Variants in MSTO1 observed in about 807,000 individuals in gnomAD.
The protein encoded by MSTO1 is misato mitochondrial distribution and morphology regulator 1.
Under a neutral mutation model 55.7 loss-of-function variants are expected in MSTO1, and 24 were observed. The observed-to-expected ratio is 0.43, with a 90% CI of 0.31 to 0.61. MSTO1 has a LOEUF of 0.61. MSTO1 is among the 20% of genes least tolerant of loss of function. The probability of loss-of-function intolerance (pLI) is 0.09; values close to 1 mark genes in which losing one functional copy is unlikely to be tolerated. For missense variants in MSTO1, 363 were observed against 625.7 expected (o/e 0.58, Z 4.48); for synonymous variants, 162 against 252.8 (o/e 0.64, Z 3.41).
At chr1:155,597,252 T>C in the MSTO1 span, among the ~76,000 whole-genome samples, 1 of 152,214 alleles carries the variant, frequency 6.6e-6, no homozygotes, top group Non-Finnish European at 1.5e-5. Flanking sequence ...GCGGATCACC[T>C]GAGGTCAGGA....
the MSTO1 span, among the ~76,000 whole-genome samples, chr1:155,565,499 T>C: frequency 6.6e-6 from 1 of 152,044 alleles, no homozygotes; most frequent in South Asian, 2.1e-4. Context: ...CCCAGAGAAG[T>C]CCAGTAACAA....
chr1:155,597,323 A>G, the MSTO1 span, among the ~76,000 whole-genome samples: 1 of 151,360 alleles, frequency 6.6e-6, no homozygotes, highest in African/African-American at 2.4e-5. Context: ...ACAAAAAATT[A>G]GTAGGGCATA....
chr1:155,605,691 C>T (rs1239128030), upstream of MSTO1, among the ~76,000 whole-genome samples: 7 of 152,082 alleles, frequency 4.6e-5, no homozygotes, highest in Non-Finnish European at 7.4e-5. Flanking sequence ...GTGTGAGGAT[C>T]GATTGAATTA....
the MSTO1 span, chr1:155,590,990 G>C: frequency 6.2e-7 from 1 of 1,613,978 alleles, no homozygotes; most frequent in Non-Finnish European, 8.5e-7. Flanking sequence ...AAGCCGAACA[G>C]GGCCACAAGG....
At chr1:155,599,795 G>A in the MSTO1 span, among the ~76,000 whole-genome samples, 3 of 152,296 alleles carry the variant, frequency 2.0e-5, no homozygotes, top group Non-Finnish European at 4.4e-5. Context: ...AGACAAACAC[G>A]TGAACAAAGG....
intron 4 of MSTO1, 93 bp downstream of exon 4, chr1:155,611,384 G>A (rs1256911967): frequency 6.2e-7 from 1 of 1,610,878 alleles, no homozygotes; most frequent in African/African-American, 1.3e-5. Flanking sequence ...CATTTTAAGT[G>A]TCTTAGAATG....
At chr1:155,586,204 C>CT in the MSTO1 span, among the ~76,000 whole-genome samples, 33,562 of 127,036 alleles carry the variant, frequency 0.26, 4,954 homozygotes, top group East Asian at 0.69. Context: ...CTCTCTCTGT[C>CT]TTTTTTTTTT....
the MSTO1 span, among the ~76,000 whole-genome samples, chr1:155,585,305 C>T: frequency 2.0e-5 from 3 of 152,110 alleles, no homozygotes; most frequent in South Asian, 2.1e-4. Flanking sequence ...GGGCGGATCA[C>T]GAGGTCAGGA....
the MSTO1 span, among the ~76,000 whole-genome samples, chr1:155,572,972 T>C: frequency 1.3e-5 from 2 of 152,074 alleles, no homozygotes; most frequent in African/African-American, 4.8e-5. Flanking sequence ...CTTAGAATGG[T>C]AGATCAAATT....
chr1:155,587,378 T>A, the MSTO1 span, among the ~76,000 whole-genome samples: 4 of 140,024 alleles, frequency 2.9e-5, no homozygotes, highest in Non-Finnish European at 6.0e-5. Context: ...AGGTGGAGGT[T>A]GCGGTGAGCC....
the MSTO1 span, among the ~76,000 whole-genome samples, chr1:155,595,066 A>T: frequency 6.7e-6 from 1 of 148,172 alleles, no homozygotes; most frequent in Admixed American, 6.8e-5. Context: ...TGAACCCAGG[A>T]GGCAGAGGGT....
the MSTO1 span, among the ~76,000 whole-genome samples, chr1:155,577,388 G>GC: frequency 6.6e-6 from 1 of 151,918 alleles, no homozygotes. Flanking sequence ...ACGCCCGGCC[G>GC]CCCCCTCCAA....
Position 155,614,436 on chromosome 1 carries a change from A to G in MSTO1, c.*163A>G, listed in dbSNP as rs1675185831. The G allele has an allele frequency of 3.4e-6, 2 of 595,942 alleles. No homozygotes were observed. The highest frequency in any genetic ancestry group is 6.0e-6 in the Non-Finnish European group (2 of 333,070). 36.9% of individuals were successfully genotyped at this position (595,942 alleles called of 1,614,324 possible). A position where few individuals can be genotyped will look rare whatever the true frequency, so the allele number is the denominator to read the frequency against. ...GTGATTAGACCACAGAACAATAAAT[A>G]TGTGCCATCAGACCAAAAAAAAGTA... On this transcript the variant is annotated 3_prime_UTR_variant, in exon 14 of 14. Transcript: ENST00000245564.
In MSTO1 at chr1:155,613,085, G is replaced by C; in HGVS notation, c.1135G>C (p.Ala379Pro). 1 of 1,613,696 alleles carries C rather than the reference G, an allele frequency of 6.2e-7. No homozygotes were observed. Among genetic ancestry groups the C allele is most frequent in the African/African-American group, 1.3e-5 (1 of 75,008 alleles). Residue 379 changes from alanine to proline, a missense_variant, in exon 11 of 14, where the codon GCT becomes CCT. By Grantham distance (27) the Ala-to-Pro change is conservative. Around this residue, in one of 3 missense-constraint regions of MSTO1, gnomAD observed 231 missense variants for 286.9 expected, o/e 0.81. Coordinates refer to ENST00000245564, the MANE Select transcript of MSTO1 (RefSeq NM_018116.4). ...TAGAIIPFPLAPGQSLPDSLM... is the reference protein window; with the variant it reads ...TAGAIIPFPLPPGQSLPDSLM... ...AGGAGCAATCATCCCTTTCCCCTTG[G>C]CTCCAGGCCAGTCCCTTCCTGATTC...
chr1:155,564,948 C>T, the MSTO1 span, among the ~76,000 whole-genome samples: 1 of 151,990 alleles, frequency 6.6e-6, no homozygotes, highest in Admixed American at 6.6e-5. Context: ...AGTGAAACCC[C>T]GTCTCTACTA....
At chr1:155,563,272 C>G in the MSTO1 span, 1 of 456,296 alleles carries the variant, frequency 2.2e-6, no homozygotes, top group African/African-American at 2.0e-5. Flanking sequence ...TGCTGTGGAG[C>G]TGGTCGCAGG....
the MSTO1 span, chr1:155,598,955 GT>G: frequency 8.6e-7 from 1 of 1,167,462 alleles, no homozygotes; most frequent in South Asian, 1.3e-5. Flanking sequence ...GTTAGGTTCA[GT>G]TATCTTGTTA....
At chr1:155,571,360 A>C in the MSTO1 span, among the ~76,000 whole-genome samples, 1 of 151,934 alleles carries the variant, frequency 6.6e-6, no homozygotes, top group East Asian at 1.9e-4. Flanking sequence ...AGCTGTTGTT[A>C]GTGTTGGTGT....
the MSTO1 span, among the ~76,000 whole-genome samples, chr1:155,598,015 A>AAACTCCTGACCTCAGATGATCTGC: frequency 6.6e-6 from 1 of 151,144 alleles, no homozygotes; most frequent in Non-Finnish European, 1.5e-5. Flanking sequence ...ACAGGGTTTC[A>AAACTCCTGACCTCAGATGATCTGC]CCATGTTGCC....
Sources: gnomAD v4.1 joint callset for allele counts (sites outside exome capture counted in the v4.1 genomes callset) on GRCh38, gnomAD v4.1.1 for gene constraint, gnomAD v4.1.1 regional missense constraint, MANE v1.5 for transcripts, NCBI Gene and HGNC (gene_info 2026-07-23, HGNC 2026-07-21) for gene names.